CFAP52: variants seen among roughly 807,000 people sequenced by gnomAD.
CFAP52 encodes cilia and flagella associated protein 52, also known as cilia- and flagella-associated protein 52.
In CFAP52, 57 loss-of-function variants were observed where a neutral mutation model predicts 70.5. That is an observed-to-expected ratio of 0.81 (90% CI 0.65 to 1.01). The LOEUF (loss-of-function observed/expected upper bound fraction) is 1.01, where lower values mean the gene tolerates loss of function less well. CFAP52 is among the 50% of genes least tolerant of loss of function. The probability of loss-of-function intolerance (pLI) is 0.00; values close to 1 mark genes in which losing one functional copy is unlikely to be tolerated. For missense variants in CFAP52, 785 were observed against 788.5 expected, an observed-to-expected ratio of 1.00 and a Z score of 0.05; for synonymous variants, 267 against 292.5, an observed-to-expected ratio of 0.91 and a Z score of 0.89.
intron 8 of CFAP52, among the ~76,000 whole-genome samples, chr17:9,626,049 G>A (rs1351119557): frequency 6.6e-6 from 1 of 152,052 alleles, no homozygotes; most frequent in Admixed American, 6.5e-5. Context: ...TGGGATTTTA[G>A]GTGGGAGAGA....
Position 9,586,691 on chromosome 17 carries a change from C to G in CFAP52, c.271-7C>G. 6.2e-7 allele frequency: 1 copy of G among 1,605,566 alleles called. No individual in the cohort carries two copies. The highest frequency in any genetic ancestry group is 8.5e-7 in the Non-Finnish European group (1 of 1,177,006). On this transcript the variant is annotated splice_polypyrimidine_tract_variant and splice_region_variant and intron_variant, in intron 2 of 13. Coordinates refer to ENST00000352665, the MANE Select transcript of CFAP52 (RefSeq NM_145054.5). ...CCTATGATCTGACGGTGTGTTCTTG[C>G]CCCCAGGCAGACATCATTTTGTGGG...
chr17:9,596,059 GTA>G (rs796314327), intron 4 of CFAP52, among the ~76,000 whole-genome samples: 6,858 of 85,034 alleles, frequency 0.081, 339 homozygotes, highest in African/African-American at 0.14. Context: ...ATATGTGTGT[GTA>G]TATATATATA....
chr17:9,589,274 T>C (rs922197557), intron 3 of CFAP52, among the ~76,000 whole-genome samples: 1 of 152,218 alleles, frequency 6.6e-6, no homozygotes, highest in Admixed American at 6.5e-5. Flanking sequence ...TTAAGCTTCA[T>C]AGGTTTATTA....
chr17:9,612,937 T>C (rs1175260114), intron 8 of CFAP52, among the ~76,000 whole-genome samples: 1 of 152,202 alleles, frequency 6.6e-6, no homozygotes, highest in Non-Finnish European at 1.5e-5. Context: ...CACTTTATTA[T>C]AAAATAGGAT....
At chr17:9,587,266 C>A (rs915601165) in intron 3 of CFAP52, among the ~76,000 whole-genome samples, 2 of 152,132 alleles carry the variant, frequency 1.3e-5, no homozygotes, top group Admixed American at 6.6e-5. Flanking sequence ...ATCCAGTCTA[C>A]CATTGATGAG....
At chr17:9,599,238 C>T (rs145298736) in intron 5 of CFAP52, among the ~76,000 whole-genome samples, 1 of 152,292 alleles carries the variant, frequency 6.6e-6, no homozygotes, top group East Asian at 1.9e-4. Flanking sequence ...TGGAGTGTCA[C>T]ATCAGCACTC....
At chr17:9,638,069 T>C (rs910117496) in intron 11 of CFAP52, among the ~76,000 whole-genome samples, 1 of 152,148 alleles carries the variant, frequency 6.6e-6, no homozygotes, top group Non-Finnish European at 1.5e-5. Flanking sequence ...TTTCCGAGGG[T>C]TGTGCATGAT....
chr17:9,634,528 T>C (rs1910692060), intron 10 of CFAP52, among the ~76,000 whole-genome samples: 1 of 151,056 alleles, frequency 6.6e-6, no homozygotes, highest in Non-Finnish European at 1.5e-5. Context: ...GAGGTTGCAG[T>C]GAGCCGAGAC....
chr17:9,639,708 C>A (rs185494424), intron 12 of CFAP52, among the ~76,000 whole-genome samples: 1 of 151,888 alleles, frequency 6.6e-6, no homozygotes. Flanking sequence ...ATGATACTGG[C>A]GGGCGGGGGA....
At position 9,599,775 on chromosome 17, in the gene CFAP52, C is replaced by G. The variant is rs560419995; in HGVS notation, c.637-292C>G. ...TTTTTTCCTGAGACAGAGTTTTGCT[C>G]TTGTTGCCCAGGCTGGAGTGCAATG... On this transcript the variant is annotated intron_variant, in intron 5 of 13. Coordinates refer to ENST00000352665, the MANE Select transcript of CFAP52 (RefSeq NM_145054.5). 5.3e-5 allele frequency among the ~76,000 whole-genome samples: 8 copies of G among 151,530 alleles called. No homozygotes were observed. The South Asian group carries it at 1.7e-3, about 32-fold the overall frequency.
chr17:9,622,553 A>C (rs1567631790), intron 8 of CFAP52, among the ~76,000 whole-genome samples: 1 of 144,954 alleles, frequency 6.9e-6, no homozygotes, highest in East Asian at 2.0e-4. Flanking sequence ...TTAAAAAAAA[A>C]AGAAGAAGAA....
rs1908897690 is a variant in CFAP52, at chr17:9,594,256, T to C, written c.471T>C (p.Asn157=). ...GTGGCAGCCCTGCAGCCGGCCTCAA[T>C]GTTGGCAATGCCACCAATGTGATCT... is the stretch of plus-strand genomic sequence containing the variant. ...AICGSPAAGL[N]VGNATNVIFS... Residue 157 remains asparagine (N), a synonymous_variant, in exon 4 of 14, where the codon AAT becomes AAC. Coordinates refer to ENST00000352665, the MANE Select transcript of CFAP52 (RefSeq NM_145054.5). 1 of 1,613,906 alleles carries C rather than the reference T, an allele frequency of 6.2e-7. No individual in the cohort carries two copies.
intron 11 of CFAP52, among the ~76,000 whole-genome samples, chr17:9,636,220 A>G (rs1053725811): frequency 2.0e-5 from 3 of 149,618 alleles, no homozygotes; most frequent in Admixed American, 2.0e-4. Flanking sequence ...AGAAAGAAAG[A>G]AAGAAAGAAA....
Position 9,643,318 on chromosome 17 carries a change from TTC to T in CFAP52, c.*124_*125del, listed in dbSNP as rs1396403441. ...TCTGTTTTTGTTCTTGAGTCAATTT[TTC>T]TCTTTTTCTTTATAGAATGCATTTT... On this transcript the variant is annotated 3_prime_UTR_variant, in exon 14 of 14. Coordinates refer to ENST00000352665, the MANE Select transcript of CFAP52 (RefSeq NM_145054.5). 5.7e-5 allele frequency: 51 copies of T among 892,740 alleles called. No homozygotes were observed. The highest frequency in any genetic ancestry group is 3.1e-4 in the Admixed American group (9 of 28,936). 55.3% of individuals were successfully genotyped at this position (892,740 alleles called of 1,614,324 possible). A position where few individuals can be genotyped will look rare whatever the true frequency, so the allele number is the denominator to read the frequency against.
chr17:9,581,042 C>A (rs1050128226), intron 1 of CFAP52, among the ~76,000 whole-genome samples: 10 of 152,084 alleles, frequency 6.6e-5, no homozygotes, highest in African/African-American at 2.4e-4. Context: ...CGTGGCCAGG[C>A]GTGGTGGCTC....
chr17:9,582,671 CTG>C (rs1952408679), intron 1 of CFAP52, among the ~76,000 whole-genome samples: 1 of 152,194 alleles, frequency 6.6e-6, no homozygotes, highest in African/African-American at 2.4e-5. Context: ...GAGTCTCACT[CTG>C]TCACCCAGGC....
intron 1 of CFAP52, among the ~76,000 whole-genome samples, chr17:9,578,087 G>A (rs758642314): frequency 6.6e-5 from 10 of 151,938 alleles, no homozygotes; most frequent in Non-Finnish European, 1.3e-4. Context: ...GCGAGACTCC[G>A]TCTCAAAAAA....
In CFAP52 at chr17:9,597,819, GAGAGAGAGAGAA is replaced by G. The variant is rs1347945362; in HGVS notation, c.537-407_537-396del. Among the ~76,000 whole-genome samples, 16 of 151,184 alleles carry G rather than the reference GAGAGAGAGAGAA, an allele frequency of 1.1e-4. No homozygotes were observed. In the East Asian group the frequency reaches 2.9e-3, roughly 28 times the overall value. On this transcript the variant is annotated intron_variant, in intron 4 of 13. Transcript: ENST00000352665. ...TCTGTCAGAAAGAGAGAGAGAGAGA[GAGAGAGAGAGAA>G]AGAGAGAAAGAGAGAGAGAAAGAGA...
At chr17:9,626,375 G>C (rs149896840) in intron 8 of CFAP52, among the ~76,000 whole-genome samples, 4 of 152,096 alleles carry the variant, frequency 2.6e-5, no homozygotes, top group Non-Finnish European at 4.4e-5. Context: ...GACTACAGGC[G>C]CACACCACCA....
Sources: gnomAD v4.1 joint callset for allele counts (sites outside exome capture counted in the v4.1 genomes callset) on GRCh38, gnomAD v4.1.1 for gene constraint, MANE v1.5 for transcripts, NCBI Gene and HGNC (gene_info 2026-07-23, HGNC 2026-07-21) for gene names.